UGT2A1: variants seen among roughly 807,000 people sequenced by gnomAD.
UGT2A1 encodes UDP glucuronosyltransferase family 2 member A1 complex locus.
Under a neutral mutation model 45.4 loss-of-function variants are expected in UGT2A1, and 61 were observed. The ratio of observed to expected loss-of-function variants is 1.34; its 90% CI spans 1.09 to 1.66. UGT2A1 has a LOEUF of 1.66. Among genes scored for constraint, UGT2A1 ranks in the 40% most tolerant of loss-of-function variants. UGT2A1 has a pLI of 0.00. For synonymous variants in UGT2A1, 229 were observed against 196.2 expected (o/e 1.17, Z -1.40); for missense variants, 649 against 574.3 (o/e 1.13, Z -1.33).
rs755536962 is a variant in UGT2A1 at position 69,647,258 on chromosome 4, A to T, written c.387T>A (p.Val129=). The T allele has an allele frequency of 6.2e-7, 1 of 1,613,366 alleles. No individual in the cohort carries two copies. The highest frequency in any genetic ancestry group is 8.5e-7 in the Non-Finnish European group (1 of 1,179,516). Residue 129 remains valine, a synonymous_variant, in exon 2 of 7, where the codon GTT becomes GTA. Coordinates refer to ENST00000286604, the MANE Select transcript of UGT2A1 (RefSeq NM_001252275.3). ...HMVSQEICDG[V]LKNQQLMAKL... ...TTGCCATCAGCTGTTGGTTTTTAAG[A>T]ACGCCATCACAGATCTCCTGAGACA...
intron 2 of UGT2A1, among the ~76,000 whole-genome samples, chr4:69,638,179 G>A (rs1721825354): frequency 1.3e-5 from 2 of 152,090 alleles, no homozygotes; most frequent in Non-Finnish European, 2.9e-5. Context: ...ATTGATTAGT[G>A]TCCCGAGTAC....
At chr4:69,647,906 C>T in intron 1 of UGT2A1, 1 of 289,168 alleles carries the variant, frequency 3.5e-6, no homozygotes, top group East Asian at 6.2e-5. Context: ...CTGTCTAATC[C>T]TCCTTTTGAA....
intron 2 of UGT2A1, among the ~76,000 whole-genome samples, chr4:69,645,702 T>C (rs1722222945): frequency 6.6e-6 from 1 of 151,770 alleles, no homozygotes; most frequent in Non-Finnish European, 1.5e-5. Context: ...TCCCTTTAGA[T>C]GGTCCTGAAT....
intron 1 of UGT2A1, among the ~76,000 whole-genome samples, chr4:69,649,112 G>T (rs1345913514): frequency 6.6e-6 from 1 of 152,004 alleles, no homozygotes; most frequent in Admixed American, 6.6e-5. Flanking sequence ...TCCTTTTCAT[G>T]TTAATAAATC....
chr4:69,639,543 A>G (rs1470518850), intron 2 of UGT2A1: 4 of 1,613,116 alleles, frequency 2.5e-6, no homozygotes, highest in Non-Finnish European at 3.4e-6. Context: ...AGGCCAAATT[A>G]ACACATTCCC....
At chr4:69,637,415 T>C (rs1721772299) in intron 2 of UGT2A1, among the ~76,000 whole-genome samples, 1 of 152,276 alleles carries the variant, frequency 6.6e-6, no homozygotes, top group South Asian at 2.1e-4. Flanking sequence ...AAATACCCCT[T>C]GTGAAAGGTA....
chr4:69,594,767 G>A (rs1718819741), intron 5 of UGT2A1, 71 bp from the exon 6 acceptor site: 4 of 1,508,682 alleles, frequency 2.7e-6, no homozygotes, highest in Admixed American at 4.3e-5. Context: ...AGACAGAAGG[G>A]GTCAAAAAGC....
At position 69,595,212 on chromosome 4, in the gene UGT2A1, A is replaced by G; in HGVS notation, c.1034T>C (p.Leu345Ser). ...ATCAAAGAGCTGAGTATTGTTTCCTAATGTGGCTGGTTTCTTTCCTTTGTA... is the reference window on the plus strand; with the variant it reads ...ATCAAAGAGCTGAGTATTGTTTCCTGATGTGGCTGGTTTCTTTCCTTTGTA... Reference protein sequence around the residue: ...WRYKGKKPATLGNNTQLFDWI... With the variant: ...WRYKGKKPATSGNNTQLFDWI... Residue 345 changes from leucine to serine, a missense_variant, in exon 5 of 7, where the codon TTA becomes TCA. Leu to Ser is a moderately radical substitution (Grantham distance 145). Coordinates refer to ENST00000286604, the MANE Select transcript of UGT2A1 (RefSeq NM_001252275.3). 1 of 1,613,820 alleles carries G rather than the reference A, an allele frequency of 6.2e-7. No homozygotes were observed. Among genetic ancestry groups the G allele is most frequent in the Non-Finnish European group, 8.5e-7 (1 of 1,179,856 alleles).
intron 2 of UGT2A1, among the ~76,000 whole-genome samples, chr4:69,641,662 A>G (rs966292009): frequency 6.6e-6 from 1 of 151,910 alleles, no homozygotes; most frequent in African/African-American, 2.4e-5. Flanking sequence ...AAACAGAAAC[A>G]GTATATTCTA....
chr4:69,625,119 C>T (rs1307902472), intron 3 of UGT2A1, among the ~76,000 whole-genome samples: 2 of 150,752 alleles, frequency 1.3e-5, no homozygotes, highest in African/African-American at 4.9e-5. Flanking sequence ...GGTGTAATTG[C>T]TGTTTTGTAG....
chr4:69,594,495 G>A lies in UGT2A1; in HGVS notation c.1286C>T (p.Thr429Ile). 6.2e-7 allele frequency: 1 copy of A among 1,614,130 alleles called. No individual in the cohort carries two copies. Among genetic ancestry groups the A allele is most frequent in the Non-Finnish European group, 8.5e-7 (1 of 1,180,006 alleles). Residue 429 changes from threonine to isoleucine, a missense_variant, in exon 6 of 7, where the codon ACA becomes ATA. By Grantham distance (89) the Thr-to-Ile change is moderately conservative. Transcript: ENST00000286604. ...TSVDLLSALR[T>I]VINEPSYKEN... ...TACTTACGAAGGTTCATTAATGACT[G>A]TTCTCAAAGCGCTAAGCAAATCCAC...
At chr4:69,623,491 A>G (rs1321175851) in intron 3 of UGT2A1, among the ~76,000 whole-genome samples, 3 of 151,794 alleles carry the variant, frequency 2.0e-5, no homozygotes, top group Non-Finnish European at 4.4e-5. Flanking sequence ...CTGTGCATAC[A>G]TGTAAAAAAA....
chr4:69,644,738 G>A (rs1722181497), intron 2 of UGT2A1, among the ~76,000 whole-genome samples: 1 of 151,744 alleles, frequency 6.6e-6, no homozygotes, highest in Non-Finnish European at 1.5e-5. Flanking sequence ...TGAATTTTGG[G>A]CCAATTACTT....
intron 2 of UGT2A1, among the ~76,000 whole-genome samples, 181 bp downstream of exon 2, chr4:69,646,749 C>G (rs996561511): frequency 2.0e-5 from 3 of 151,748 alleles, no homozygotes; most frequent in Non-Finnish European, 2.9e-5. Context: ...AATTAGAAAA[C>G]AACACACTGT....
intron 3 of UGT2A1, among the ~76,000 whole-genome samples, chr4:69,613,215 G>T (rs1311915876): frequency 6.6e-6 from 1 of 151,760 alleles, no homozygotes; most frequent in East Asian, 1.9e-4. Flanking sequence ...CAGACATATA[G>T]ACCAATGGAA....
chr4:69,615,210 T>G (rs1432264493), intron 3 of UGT2A1, among the ~76,000 whole-genome samples: 1 of 152,002 alleles, frequency 6.6e-6, no homozygotes, highest in African/African-American at 2.4e-5. Flanking sequence ...CCTGAAAAAT[T>G]AAATCACTCT....
At chr4:69,610,666 T>A (rs1475576020) in intron 3 of UGT2A1, among the ~76,000 whole-genome samples, 1 of 152,176 alleles carries the variant, frequency 6.6e-6, no homozygotes, top group Non-Finnish European at 1.5e-5. Flanking sequence ...TAATCCATTA[T>A]GACTAGTGTC....
At chr4:69,593,988 T>A (rs1370034158) in intron 6 of UGT2A1, among the ~76,000 whole-genome samples, 1 of 149,654 alleles carries the variant, frequency 6.7e-6, no homozygotes, top group Non-Finnish European at 1.5e-5. Flanking sequence ...TTTGTTTTTT[T>A]TTTTGAGACT....
intron 4 of UGT2A1, among the ~76,000 whole-genome samples, chr4:69,597,413 A>G (rs995009392): frequency 1.3e-5 from 2 of 152,176 alleles, no homozygotes; most frequent in African/African-American, 4.8e-5. Flanking sequence ...GTAATTACTT[A>G]TAGTTTTGCA....
Sources: gnomAD v4.1 joint callset for allele counts (sites outside exome capture counted in the v4.1 genomes callset) on GRCh38, gnomAD v4.1.1 for gene constraint, MANE v1.5 for transcripts, NCBI Gene and HGNC (gene_info 2026-07-23, HGNC 2026-07-21) for gene names.